TCF12: variants seen among roughly 807,000 people sequenced by gnomAD.
TCF12 encodes the protein transcription factor 12.
Under a neutral mutation model 86.0 loss-of-function variants are expected in TCF12, and 45 were observed. The observed-to-expected ratio is 0.52, with a 90% CI of 0.41 to 0.67. The LOEUF is 0.67. TCF12 is among the 30% of genes least tolerant of loss of function. The pLI is 0.00. For synonymous variants in TCF12, 330 were observed against 299.6 expected, an observed-to-expected ratio of 1.10 and a Z score of -1.05; for missense variants, 881 against 859.9, an observed-to-expected ratio of 1.02 and a Z score of -0.31.
At chr15:57,260,891 A>G (rs777609922) in intron 16 of TCF12, among the ~76,000 whole-genome samples, 2 of 152,180 alleles carry the variant, frequency 1.3e-5, no homozygotes, top group Non-Finnish European at 2.9e-5. Context: ...CTTGAATACA[A>G]TTTTCACAGT....
At chr15:57,072,747 C>G in intron 4 of TCF12, 6 of 1,258,168 alleles carry the variant, frequency 4.8e-6, no homozygotes, top group Non-Finnish European at 6.2e-6. Context: ...ATCTGTGTTC[C>G]CATTAATCTC....
intron 12 of TCF12, among the ~76,000 whole-genome samples, chr15:57,234,907 T>C (rs189677890): frequency 6.6e-6 from 1 of 152,356 alleles, no homozygotes; most frequent in East Asian, 1.9e-4. Flanking sequence ...GAATTGTCTT[T>C]TATTTTCTAT....
chr15:57,274,645 C>T (rs909221392), intron 19 of TCF12, among the ~76,000 whole-genome samples: 9 of 152,092 alleles, frequency 5.9e-5, no homozygotes, highest in African/African-American at 1.9e-4. Flanking sequence ...CAGCAAGGCA[C>T]CTATGTTCAG....
chr15:57,175,999 G>T (rs376634166), intron 6 of TCF12, among the ~76,000 whole-genome samples: 9 of 152,018 alleles, frequency 5.9e-5, no homozygotes, highest in African/African-American at 1.7e-4. Context: ...TACTTTACTG[G>T]TATTTTATAA....
chr15:56,950,238 A>C (rs1246030234), intron 3 of TCF12, among the ~76,000 whole-genome samples: 3 of 151,788 alleles, frequency 2.0e-5, no homozygotes, highest in Admixed American at 1.3e-4. Context: ...TTTGTTTGTT[A>C]ATTTTGAGAT....
rs1328919929 is a variant in TCF12, at chr15:56,978,166, A to G, written c.148+57068A>G. ...TAACTTGCACAGCTTCAATACTGCAATGATCATTTCTACTTTTCTCTGAAC... is the reference window on the plus strand; with the variant it reads ...TAACTTGCACAGCTTCAATACTGCAGTGATCATTTCTACTTTTCTCTGAAC... On this transcript the variant is annotated intron_variant, in intron 3 of 20. Coordinates refer to ENST00000333725, the MANE Select transcript of TCF12 (RefSeq NM_207037.2). Among the ~76,000 whole-genome samples, 32 of 152,240 alleles carry G rather than the reference A, an allele frequency of 2.1e-4. 1 individual carries two copies. Among genetic ancestry groups the G allele is most frequent in the Admixed American group, 2.0e-3 (30 of 15,280 alleles).
intron 3 of TCF12, among the ~76,000 whole-genome samples, chr15:57,058,042 A>G (rs1208778104): frequency 3.3e-5 from 5 of 152,116 alleles, no homozygotes; most frequent in Admixed American, 2.6e-4. Flanking sequence ...GGGGAGTTTT[A>G]AAGGTAGCTC....
At chr15:56,991,640 A>T (rs1195933680) in intron 3 of TCF12, among the ~76,000 whole-genome samples, 1 of 152,190 alleles carries the variant, frequency 6.6e-6, no homozygotes, top group East Asian at 1.9e-4. Flanking sequence ...TGGTCTAAAG[A>T]TTTAAAAGAC....
chr15:57,189,931 T>A (rs2056893523), intron 6 of TCF12, among the ~76,000 whole-genome samples: 2 of 152,142 alleles, frequency 1.3e-5, no homozygotes, highest in Admixed American at 1.3e-4. Flanking sequence ...ATACAAGCTG[T>A]AATATAGATG....
At chr15:56,964,499 G>C (rs2061915323) in intron 3 of TCF12, among the ~76,000 whole-genome samples, 1 of 152,110 alleles carries the variant, frequency 6.6e-6, no homozygotes, top group African/African-American at 2.4e-5. Context: ...CATTGCTCAA[G>C]ATGTATCTCC....
At chr15:56,964,897 C>T (rs182971242) in intron 3 of TCF12, among the ~76,000 whole-genome samples, 103 of 152,250 alleles carry the variant, frequency 6.8e-4, no homozygotes, top group Non-Finnish European at 1.1e-3. Context: ...TAAGTAGTCA[C>T]CATAGATAAT....
intron 12 of TCF12, among the ~76,000 whole-genome samples, chr15:57,239,170 G>A (rs905675540): frequency 6.7e-6 from 1 of 150,294 alleles, no homozygotes; most frequent in Non-Finnish European, 1.5e-5. Flanking sequence ...TGACCAACAC[G>A]GAGAAACCCC....
intron 3 of TCF12, among the ~76,000 whole-genome samples, chr15:56,957,214 A>G (rs1042353986): frequency 4.6e-5 from 7 of 152,200 alleles, no homozygotes; most frequent in Non-Finnish European, 8.8e-5. Flanking sequence ...TGAATTACCC[A>G]GTCTTTGGTA....
At chr15:56,970,479 C>CAAAA (rs59118732) in intron 3 of TCF12, among the ~76,000 whole-genome samples, 18 of 65,464 alleles carry the variant, frequency 2.7e-4, no homozygotes, top group East Asian at 4.5e-4. Flanking sequence ...GACTCCATCT[C>CAAAA]AAAAAAAAAA....
intron 8 of TCF12, among the ~76,000 whole-genome samples, chr15:57,199,815 A>G (rs1254960864): frequency 6.6e-6 from 1 of 152,156 alleles, no homozygotes; most frequent in Non-Finnish European, 1.5e-5. Context: ...TAAATAACAC[A>G]TTCATTTTAA....
intron 18 of TCF12, among the ~76,000 whole-genome samples, chr15:57,263,718 A>G (rs573072481): frequency 3.2e-4 from 48 of 152,234 alleles, no homozygotes; most frequent in Non-Finnish European, 1.8e-4. Context: ...AACATACAGT[A>G]TACTTTCACA....
rs996005482 is a variant in TCF12 at position 57,228,065 on chromosome 15, A to G, written c.580-3087A>G. On this transcript the variant is annotated intron_variant, in intron 8 of 20. Transcript: ENST00000333725. ...GTGATCAGATGACATAAGCAGTCTG[A>G]TTTTAATTTGTGGCCAGTACTGATT... Among the ~76,000 whole-genome samples the G allele has an allele frequency of 2.0e-5, 3 of 152,022 alleles. No individual in the cohort carries two copies. In the South Asian group the frequency reaches 6.2e-4, roughly 31 times the overall value.
intron 4 of TCF12, among the ~76,000 whole-genome samples, chr15:57,078,444 T>A (rs990949783): frequency 5.3e-5 from 8 of 152,148 alleles, no homozygotes; most frequent in African/African-American, 1.9e-4. Flanking sequence ...GGTTATTCAG[T>A]TTATTAATAT....
At chr15:57,114,299 A>G (rs1596596939) in intron 5 of TCF12, among the ~76,000 whole-genome samples, 1 of 151,928 alleles carries the variant, frequency 6.6e-6, no homozygotes, top group African/African-American at 2.4e-5. Context: ...ACCTACTGTA[A>G]TTGTTTGTTG....
Sources: allele counts gnomAD v4.1 joint callset (sites outside exome capture counted in the v4.1 genomes callset), GRCh38; gene constraint gnomAD v4.1.1; transcripts MANE v1.5; gene names NCBI Gene and HGNC (gene_info 2026-07-23, HGNC 2026-07-21).